Variants in LYPLAL1 observed in about 807,000 individuals in gnomAD.
LYPLAL1 encodes lysophospholipase-like protein 1.
In LYPLAL1, 23 loss-of-function variants were observed where a neutral mutation model predicts 19.7. The observed-to-expected ratio is 1.17, with a 90% CI of 0.84 to 1.65. The LOEUF is 1.65. Among genes scored for constraint, LYPLAL1 ranks in the 40% most tolerant of loss-of-function variants. The pLI is 0.00. For missense variants in LYPLAL1, 355 were observed against 279.4 expected (o/e 1.27, Z -1.93); for synonymous variants, 119 against 96.3 (o/e 1.24, Z -1.38).
At chr1:219,354,846 T>G in the LYPLAL1 span, among the ~76,000 whole-genome samples, 1 of 152,170 alleles carries the variant, frequency 6.6e-6, no homozygotes, top group African/African-American at 2.4e-5. Flanking sequence ...ATAGAGTAAG[T>G]AGATTAAATA....
At chr1:219,331,763 G>A in the LYPLAL1 span, among the ~76,000 whole-genome samples, 2 of 152,150 alleles carry the variant, frequency 1.3e-5, no homozygotes, top group Admixed American at 1.3e-4. Context: ...AGGGTGAAAA[G>A]CAGTCTGTAG....
chr1:219,203,686 T>C (rs1658304952), intron 3 of LYPLAL1, among the ~76,000 whole-genome samples: 1 of 152,146 alleles, frequency 6.6e-6, no homozygotes, highest in Non-Finnish European at 1.5e-5. Context: ...TTCCAGGAAA[T>C]AGTTTGGTGT....
the LYPLAL1 span, among the ~76,000 whole-genome samples, chr1:219,365,036 T>G: frequency 2.0e-5 from 3 of 152,158 alleles, no homozygotes; most frequent in African/African-American, 7.2e-5. Flanking sequence ...TTAATTATTT[T>G]GTCATACTAT....
chr1:219,435,815 G>C, the LYPLAL1 span, among the ~76,000 whole-genome samples: 1 of 151,972 alleles, frequency 6.6e-6, no homozygotes, highest in South Asian at 2.1e-4. Flanking sequence ...GACATAGTGA[G>C]ATTCCGTCCC....
chr1:219,202,820 C>T (rs1169051605), intron 3 of LYPLAL1, among the ~76,000 whole-genome samples: 2 of 139,610 alleles, frequency 1.4e-5, no homozygotes, highest in East Asian at 4.3e-4. Context: ...GGATGATAGG[C>T]ACTTGCCACC....
At chr1:219,285,543 G>C in the LYPLAL1 span, among the ~76,000 whole-genome samples, 1 of 152,158 alleles carries the variant, frequency 6.6e-6, no homozygotes, top group Non-Finnish European at 1.5e-5. Context: ...TCACAAAAAG[G>C]AATCGAGTAC....
chr1:219,358,637 A>G, the LYPLAL1 span, among the ~76,000 whole-genome samples: 47 of 152,220 alleles, frequency 3.1e-4, no homozygotes, highest in Middle Eastern at 6.8e-3. Flanking sequence ...TTATAAACCC[A>G]TCAGATCTCA....
intron 2 of LYPLAL1, among the ~76,000 whole-genome samples, chr1:219,183,981 A>G (rs1656508680): frequency 6.6e-6 from 1 of 151,906 alleles, no homozygotes; most frequent in African/African-American, 2.4e-5. Flanking sequence ...AAATTGTTGT[A>G]ATTATCACAG....
the LYPLAL1 span, among the ~76,000 whole-genome samples, chr1:219,276,687 G>A: frequency 2.0e-5 from 3 of 152,116 alleles, no homozygotes; most frequent in Non-Finnish European, 4.4e-5. Flanking sequence ...TACTTTGAGT[G>A]GGGATCATGT....
the LYPLAL1 span, among the ~76,000 whole-genome samples, chr1:219,221,454 C>T: frequency 6.6e-6 from 1 of 152,128 alleles, no homozygotes; most frequent in Non-Finnish European, 1.5e-5. Context: ...CTTTTTTGGA[C>T]CCTTTTCACT....
At chr1:219,222,604 C>T in the LYPLAL1 span, 1 of 152,126 alleles carries the variant, frequency 6.6e-6, no homozygotes, top group Admixed American at 6.5e-5. Context: ...CACACCACCC[C>T]CCTCATCTTC....
chr1:219,175,008 T>C, intron 1 of LYPLAL1: 1 of 985,454 alleles, frequency 1.0e-6, no homozygotes, highest in Non-Finnish European at 1.2e-6. Flanking sequence ...AAGTGGTCTT[T>C]GAGCCGAGAC....
At chr1:219,400,165 C>T in the LYPLAL1 span, among the ~76,000 whole-genome samples, 1 of 152,130 alleles carries the variant, frequency 6.6e-6, no homozygotes, top group African/African-American at 2.4e-5. Context: ...TTCAGCCCAG[C>T]TTCTGCATCT....
chr1:219,254,553 AT>A, the LYPLAL1 span, among the ~76,000 whole-genome samples: 3 of 151,972 alleles, frequency 2.0e-5, no homozygotes, highest in African/African-American at 7.2e-5. Flanking sequence ...GTTTAACTGG[AT>A]ATGACATTCT....
At chr1:219,297,850 C>T in the LYPLAL1 span, among the ~76,000 whole-genome samples, 1 of 152,124 alleles carries the variant, frequency 6.6e-6, no homozygotes, top group African/African-American at 2.4e-5. Context: ...AAAACACTAA[C>T]ACAACAAACC....
chr1:219,410,683 CG>C, the LYPLAL1 span, among the ~76,000 whole-genome samples: 1 of 152,194 alleles, frequency 6.6e-6, no homozygotes, highest in Non-Finnish European at 1.5e-5. Flanking sequence ...GGGCTGTGTG[CG>C]GCACTTGCGG....
Position 219,204,916 on chromosome 1 carries a change from G to A in LYPLAL1, c.362-5616G>A, listed in dbSNP as rs1394660534. ...ACAAATGATATGAATAGATTTATCA[G>A]AATTTTGATAATATAAGCATATTAT... On this transcript the variant is annotated intron_variant, in intron 3 of 4. Coordinates refer to ENST00000366928, the MANE Select transcript of LYPLAL1 (RefSeq NM_138794.5). Among the ~76,000 whole-genome samples, 3 of 152,028 alleles carry A rather than the reference G, an allele frequency of 2.0e-5. No homozygotes were observed. In the East Asian group the frequency reaches 5.8e-4, roughly 29 times the overall value.
At chr1:219,325,357 G>A in the LYPLAL1 span, among the ~76,000 whole-genome samples, 2 of 152,060 alleles carry the variant, frequency 1.3e-5, no homozygotes. Context: ...TTGTTAAGTC[G>A]TAGCTCCTGA....
the LYPLAL1 span, among the ~76,000 whole-genome samples, chr1:219,441,732 C>G: frequency 6.6e-6 from 1 of 152,130 alleles, no homozygotes; most frequent in Non-Finnish European, 1.5e-5. Context: ...GAGCGAGAGA[C>G]AGAGAAAGAG....
Sources: allele counts gnomAD v4.1 joint callset (sites outside exome capture counted in the v4.1 genomes callset), GRCh38; gene constraint gnomAD v4.1.1; transcripts MANE v1.5; gene names NCBI Gene and HGNC (gene_info 2026-07-23, HGNC 2026-07-21).